RIMS2: variants seen among roughly 807,000 people sequenced by gnomAD.
RIMS2 encodes regulating synaptic membrane exocytosis 2, also known as regulating synaptic membrane exocytosis protein 2.
In RIMS2, 59 loss-of-function variants were observed where a neutral mutation model predicts 174.4. That is an observed-to-expected ratio of 0.34 (90% CI 0.27 to 0.42). The LOEUF (loss-of-function observed/expected upper bound fraction) is 0.42. RIMS2 is among the 10% of genes least tolerant of loss of function. The pLI is 1.00. For synonymous variants in RIMS2, 606 were observed against 572.5 expected, an observed-to-expected ratio of 1.06 and a Z score of -0.84; for missense variants, 1,620 against 1,666.3, an observed-to-expected ratio of 0.97 and a Z score of 0.48.
intron 19 of RIMS2, among the ~76,000 whole-genome samples, chr8:104,034,429 T>G (rs1322178628): frequency 6.6e-6 from 1 of 151,800 alleles, no homozygotes; most frequent in Non-Finnish European, 1.5e-5. Context: ...CTTGAGAGGA[T>G]TATCAGCAAA....
chr8:103,512,575 G>A (rs1348601604), intron 1 of RIMS2, among the ~76,000 whole-genome samples: 1 of 151,952 alleles, frequency 6.6e-6, no homozygotes, highest in Non-Finnish European at 1.5e-5. Flanking sequence ...TCAGAGGTAT[G>A]CATACAACTT....
At chr8:103,542,849 G>A (rs1367244683) in intron 1 of RIMS2, among the ~76,000 whole-genome samples, 2 of 152,106 alleles carry the variant, frequency 1.3e-5, no homozygotes, top group East Asian at 1.9e-4. Context: ...CTTCTAAAAA[G>A]TTAGGTAGAG....
chr8:103,570,323 A>G (rs2092714885), intron 1 of RIMS2, among the ~76,000 whole-genome samples: 1 of 152,218 alleles, frequency 6.6e-6, no homozygotes, highest in Non-Finnish European at 1.5e-5. Context: ...TAAAAAATAG[A>G]GTTAGAATTG....
At chr8:103,876,393 C>T (rs114910215) in intron 3 of RIMS2, among the ~76,000 whole-genome samples, 2,360 of 151,426 alleles carry the variant, frequency 0.016, 52 homozygotes, top group African/African-American at 0.05. Flanking sequence ...TTTTTTAAAT[C>T]CAAACTTATA....
chr8:104,093,658 A>G lies in RIMS2; in HGVS notation c.3334+79043A>G. ...AAGAAAATCAGGTAAGGGGATTTCA[A>G]CAACAAACTTCTCTAAATATGTTTT... On this transcript the variant is annotated intron_variant, in intron 19 of 23. Coordinates refer to ENST00000504942, the Ensembl canonical transcript of RIMS2. The G allele has an allele frequency of 4.4e-6, 7 of 1,576,474 alleles. No individual in the cohort carries two copies. The highest frequency in any genetic ancestry group is 6.0e-6 in the Non-Finnish European group (7 of 1,165,650).
intron 19 of RIMS2, among the ~76,000 whole-genome samples, chr8:104,161,512 T>C (rs1206814589): frequency 1.3e-5 from 2 of 152,144 alleles, no homozygotes; most frequent in Non-Finnish European, 2.9e-5. Context: ...AGCAGAGTCA[T>C]GACAACGTAA....
rs1470905012 is a variant in RIMS2 at position 104,238,055 on chromosome 8, C to T, written c.3335-6861C>T. ...CAAATACTTGGAACTAACCCAAATG[C>T]CCGTCAATGATAGACTGGATAAAGA... is the stretch of plus-strand genomic sequence containing the variant. On this transcript the variant is annotated intron_variant, in intron 19 of 23. Coordinates refer to ENST00000504942, the Ensembl canonical transcript of RIMS2. Among the ~76,000 whole-genome samples, 10 of 152,220 alleles carry T rather than the reference C, an allele frequency of 6.6e-5. No homozygotes were observed. The South Asian group carries it at 8.3e-4, about 13-fold the overall frequency.
intron 19 of RIMS2, among the ~76,000 whole-genome samples, chr8:104,033,995 A>G (rs931457435): frequency 6.6e-6 from 1 of 152,168 alleles, no homozygotes; most frequent in Non-Finnish European, 1.5e-5. Flanking sequence ...TGCTTAATGT[A>G]TAATTTTTAT....
chr8:103,703,903 T>C (rs2097195242), intron 2 of RIMS2, among the ~76,000 whole-genome samples: 1 of 152,116 alleles, frequency 6.6e-6, no homozygotes, highest in Admixed American at 6.6e-5. Flanking sequence ...TCTTTACGGT[T>C]TTAACATAAG....
At chr8:103,789,502 T>G (rs1476837482) in intron 3 of RIMS2, among the ~76,000 whole-genome samples, 1 of 152,126 alleles carries the variant, frequency 6.6e-6, no homozygotes, top group Non-Finnish European at 1.5e-5. Flanking sequence ...TCACCTCACT[T>G]TGTCATATAA....
At chr8:103,867,165 T>C (rs1594160096) in intron 3 of RIMS2, among the ~76,000 whole-genome samples, 1 of 151,940 alleles carries the variant, frequency 6.6e-6, no homozygotes, top group East Asian at 1.9e-4. Flanking sequence ...AAGGAAGTAT[T>C]TAAGGAGATG....
chr8:103,768,464 C>A, intron 3 of RIMS2: 1 of 790,862 alleles, frequency 1.3e-6, no homozygotes, highest in East Asian at 2.4e-5. Flanking sequence ...ACAATGGTTC[C>A]CCATGAAGAG....
intron 1 of RIMS2, among the ~76,000 whole-genome samples, chr8:103,508,033 C>G (rs1477760777): frequency 6.6e-6 from 1 of 151,960 alleles, no homozygotes; most frequent in African/African-American, 2.4e-5. Flanking sequence ...AGTTTATTGC[C>G]TCTATGGTAT....
chr8:103,792,969 C>G (rs1326856558), intron 3 of RIMS2, among the ~76,000 whole-genome samples: 1 of 152,102 alleles, frequency 6.6e-6, no homozygotes, highest in Non-Finnish European at 1.5e-5. Flanking sequence ...AAGTCCAGGA[C>G]CAGATGGATT....
chr8:103,849,941 G>A (rs913427898), intron 3 of RIMS2, among the ~76,000 whole-genome samples: 1 of 151,954 alleles, frequency 6.6e-6, no homozygotes, highest in African/African-American at 2.4e-5. Context: ...GAGTAAGTTG[G>A]TGAGGAAAAA....
intron 19 of RIMS2, among the ~76,000 whole-genome samples, chr8:104,052,929 G>A (rs1271891788): frequency 2.6e-5 from 4 of 152,052 alleles, no homozygotes; most frequent in East Asian, 1.9e-4. Context: ...AAGATGAGCC[G>A]GCAAAGTAGC....
intron 17 of RIMS2, among the ~76,000 whole-genome samples, chr8:104,006,897 T>A (rs2095604644): frequency 6.6e-6 from 1 of 152,050 alleles, no homozygotes; most frequent in South Asian, 2.1e-4. Flanking sequence ...GCTGAAAATT[T>A]TAAAGGTTTT....
In RIMS2 at chr8:103,917,348, C is replaced by T. The variant is rs560460467; in HGVS notation, c.2036+811C>T. Reference sequence around the variant, plus strand: ...TCTTTTTTAAAAATGCTGAAGAAAACGACTTAGGGTGGTAGCTTAGTTTTA... The same window carrying T: ...TCTTTTTTAAAAATGCTGAAGAAAATGACTTAGGGTGGTAGCTTAGTTTTA... On this transcript the variant is annotated intron_variant, in intron 8 of 23. Transcript: ENST00000504942. Among the ~76,000 whole-genome samples, 21 of 152,166 alleles carry T rather than the reference C, an allele frequency of 1.4e-4. No individual in the cohort carries two copies. The East Asian group carries it at 2.3e-3, about 17-fold the overall frequency.
intron 19 of RIMS2, among the ~76,000 whole-genome samples, chr8:104,106,035 C>CCCA (rs2098047810): frequency 1.5e-4 from 1 of 6,628 alleles, no homozygotes; most frequent in Non-Finnish European, 2.5e-4. Flanking sequence ...AAGACTCTGC[C>CCCA]ACAAAAAAAA....
Sources: gnomAD v4.1 joint callset for allele counts (sites outside exome capture counted in the v4.1 genomes callset) on GRCh38, gnomAD v4.1.1 for gene constraint, MANE v1.5 for transcripts, NCBI Gene and HGNC (gene_info 2026-07-23, HGNC 2026-07-21) for gene names.